HPSE2: variants seen among roughly 807,000 people sequenced by gnomAD.
HPSE2 encodes heparanase 2 (inactive).
HPSE2 carries 38 observed loss-of-function variants against 60.5 expected under a neutral mutation model. The observed-to-expected ratio is 0.63, with a 90% CI of 0.48 to 0.82. The LOEUF (loss-of-function observed/expected upper bound fraction) is 0.82, where lower values mean the gene tolerates loss of function less well. Ranked by LOEUF, HPSE2 falls within the 40% of genes least tolerant of loss-of-function variation. HPSE2 has a pLI of 0.00. For missense variants in HPSE2, 713 were observed against 740.4 expected (o/e 0.96, Z 0.43); for synonymous variants, 295 against 293.2 (o/e 1.01, Z -0.06).
chr10:98,526,486 T>C (rs1160346776), intron 9 of HPSE2, among the ~76,000 whole-genome samples: 1 of 152,160 alleles, frequency 6.6e-6, no homozygotes, highest in Non-Finnish European at 1.5e-5. Flanking sequence ...TTAGCACTAG[T>C]TATGGGGAAG....
Position 99,139,600 on chromosome 10 carries a change from C to T in HPSE2, c.610+4638G>A, listed in dbSNP as rs554971431. ...TACTATATTTATTACTTATAAAGCA[C>T]GAACACAAGGATTTCATTTATCAGC... On this transcript the variant is annotated intron_variant, in intron 3 of 11. Transcript: ENST00000370552. Among the ~76,000 whole-genome samples, 6 of 152,080 alleles carry T rather than the reference C, an allele frequency of 3.9e-5. No individual in the cohort carries two copies. In the South Asian group the frequency reaches 1.3e-3, roughly 32 times the overall value.
intron 6 of HPSE2, among the ~76,000 whole-genome samples, chr10:98,688,978 C>G (rs1342488110): frequency 6.6e-6 from 1 of 151,478 alleles, no homozygotes; most frequent in East Asian, 1.9e-4. Flanking sequence ...ATCCTTTTCC[C>G]TATATATGAA....
chr10:98,856,486 GA>G (rs1589955719), intron 3 of HPSE2, among the ~76,000 whole-genome samples: 2 of 152,052 alleles, frequency 1.3e-5, no homozygotes, highest in East Asian at 3.9e-4. Flanking sequence ...AAGGCAGCTA[GA>G]GGAAAAAAAT....
chr10:99,116,414 G>A (rs1165808504), intron 3 of HPSE2, among the ~76,000 whole-genome samples: 10 of 152,040 alleles, frequency 6.6e-5, no homozygotes, highest in African/African-American at 9.7e-5. Context: ...AAAAACCCCA[G>A]AAAATTATTA....
chr10:98,648,397 C>T (rs944749907), intron 6 of HPSE2, among the ~76,000 whole-genome samples: 33 of 152,186 alleles, frequency 2.2e-4, no homozygotes, highest in African/African-American at 7.7e-4. Context: ...GGTGATGGCA[C>T]CAGAATTGTG....
chr10:99,047,648 G>A, intron 3 of HPSE2: 1 of 737,382 alleles, frequency 1.4e-6, no homozygotes, highest in Non-Finnish European at 2.4e-6. Flanking sequence ...CATGGATGGT[G>A]TAGAAGAGAA....
At chr10:99,233,055 G>A (rs1849717958) in intron 1 of HPSE2, among the ~76,000 whole-genome samples, 1 of 152,258 alleles carries the variant, frequency 6.6e-6, no homozygotes, top group Non-Finnish European at 1.5e-5. Flanking sequence ...CTGAGCTTAA[G>A]TGGATTCCTA....
At chr10:98,954,982 A>ATG (rs1252046427) in intron 3 of HPSE2, among the ~76,000 whole-genome samples, 1 of 147,444 alleles carries the variant, frequency 6.8e-6, no homozygotes, top group Non-Finnish European at 1.5e-5. Context: ...ACATATTTAT[A>ATG]TATATATATA....
rs1019305253 is a variant in HPSE2 at position 99,126,353 on chromosome 10, G to T, written c.610+17885C>A. ...TCACCTAACCCTGCCCCAACCTGATGGTATTTCACTACCTGCCCTAGTAGC... is the reference window on the plus strand; with the variant it reads ...TCACCTAACCCTGCCCCAACCTGATTGTATTTCACTACCTGCCCTAGTAGC... On this transcript the variant is annotated intron_variant, in intron 3 of 11. Coordinates refer to ENST00000370552, the MANE Select transcript of HPSE2 (RefSeq NM_021828.5). The surrounding 1 kb of genome is among the most constrained non-coding windows in gnomAD (Gnocchi z 4.0). Among the ~76,000 whole-genome samples, 2 of 151,338 alleles carry T rather than the reference G, an allele frequency of 1.3e-5. No homozygotes were observed. Among genetic ancestry groups the T allele is most frequent in the South Asian group, 2.1e-4 (1 of 4,738 alleles).
chr10:98,511,198 T>C (rs1247539205), intron 9 of HPSE2, among the ~76,000 whole-genome samples: 1 of 151,862 alleles, frequency 6.6e-6, no homozygotes, highest in Non-Finnish European at 1.5e-5. Context: ...TCACCCAGGC[T>C]GGAGTGCAGT....
intron 3 of HPSE2, among the ~76,000 whole-genome samples, chr10:99,091,096 T>C (rs1292791635): frequency 2.6e-5 from 4 of 152,156 alleles, no homozygotes; most frequent in African/African-American, 9.6e-5. Flanking sequence ...CTTCTTTTGA[T>C]GCTAACAAGC....
At chr10:98,538,555 T>A (rs1364204967) in intron 9 of HPSE2, among the ~76,000 whole-genome samples, 2 of 152,092 alleles carry the variant, frequency 1.3e-5, no homozygotes, top group African/African-American at 4.8e-5. Context: ...TCAGTTGTTC[T>A]CAACCTTACT....
intron 7 of HPSE2, among the ~76,000 whole-genome samples, chr10:98,625,497 T>C (rs529484113): frequency 4.5e-4 from 69 of 152,338 alleles, no homozygotes; most frequent in Middle Eastern, 6.8e-3. Flanking sequence ...TTTTATGTGT[T>C]ATCAAGCTCG....
At chr10:98,717,616 G>C (rs944111746) in intron 5 of HPSE2, among the ~76,000 whole-genome samples, 2 of 151,932 alleles carry the variant, frequency 1.3e-5, no homozygotes, top group Admixed American at 6.6e-5. Flanking sequence ...GAGAATGGCT[G>C]GTGGGTGGAG....
At chr10:98,996,382 T>C (rs184491747) in intron 3 of HPSE2, among the ~76,000 whole-genome samples, 6 of 152,286 alleles carry the variant, frequency 3.9e-5, no homozygotes, top group Admixed American at 3.9e-4. Context: ...CTTTCATATA[T>C]TGTTGGTAAG....
intron 10 of HPSE2, 69 bp from the exon 11 acceptor site, chr10:98,482,851 T>A: frequency 6.6e-7 from 1 of 1,523,586 alleles, no homozygotes; most frequent in Non-Finnish European, 9.1e-7. Context: ...TCTAAATAAT[T>A]TATAGACTGT....
chr10:98,712,872 A>G (rs1468506988), intron 5 of HPSE2, among the ~76,000 whole-genome samples: 1 of 152,138 alleles, frequency 6.6e-6, no homozygotes, highest in Non-Finnish European at 1.5e-5. Flanking sequence ...AGTACCTATT[A>G]TGTACCAGGC....
intron 9 of HPSE2, among the ~76,000 whole-genome samples, chr10:98,508,553 C>T (rs1377334301): frequency 6.6e-6 from 1 of 152,166 alleles, no homozygotes; most frequent in Non-Finnish European, 1.5e-5. Flanking sequence ...GAAAGACAGT[C>T]CTTAAGCCAA....
At chr10:99,158,504 C>T (rs1846679058) in intron 2 of HPSE2, among the ~76,000 whole-genome samples, 1 of 132,074 alleles carries the variant, frequency 7.6e-6, no homozygotes, top group South Asian at 2.9e-4. Context: ...ATCGCAAGAA[C>T]AAAAAACCAA....
Sources: gnomAD v4.1 joint callset for allele counts (sites outside exome capture counted in the v4.1 genomes callset) on GRCh38, gnomAD v4.1.1 for gene constraint, Gnocchi (gnomAD v3.1) non-coding constraint, MANE v1.5 for transcripts, NCBI Gene and HGNC (gene_info 2026-07-23, HGNC 2026-07-21) for gene names.